NOTCH3: variants seen among roughly 807,000 people sequenced by gnomAD.
NOTCH3 encodes the protein notch receptor 3, also known as neurogenic locus notch homolog protein 3.
In NOTCH3, 86 loss-of-function variants were observed where a neutral mutation model predicts 213.3. The observed-to-expected ratio is 0.40, with a 90% CI of 0.34 to 0.48. The LOEUF (loss-of-function observed/expected upper bound fraction) is 0.48, where lower values mean the gene tolerates loss of function less well. Ranked by LOEUF, NOTCH3 falls within the 20% of genes least tolerant of loss-of-function variation. NOTCH3 has a pLI of 0.57. For missense variants in NOTCH3, 2,783 were observed against 3,272.6 expected (o/e 0.85, Z 3.65); for synonymous variants, 1,354 against 1,355.9 (o/e 1.00, Z 0.03).
At chr19:15,184,044 A>C (rs1184033939) in intron 16 of NOTCH3, among the ~76,000 whole-genome samples, 1 of 149,350 alleles carries the variant, frequency 6.7e-6, no homozygotes, top group Admixed American at 6.7e-5. Context: ...TCTCAAAAAA[A>C]AAAAAAAAAA....
intron 16 of NOTCH3, among the ~76,000 whole-genome samples, chr19:15,183,384 T>TTTTGTTTGTTTGTTTG (rs71168596): frequency 0.11 from 15,868 of 150,220 alleles, 921 homozygotes; most frequent in East Asian, 0.22. Context: ...CAGCACCCCT[T>TTTTGTTTGTTTGTTTG]TTTGTTTGTT....
At chr19:15,190,714 T>C (rs555867063) in intron 6 of NOTCH3, among the ~76,000 whole-genome samples, 1 of 152,052 alleles carries the variant, frequency 6.6e-6, no homozygotes, top group Non-Finnish European at 1.5e-5. Context: ...GCATCCAGAG[T>C]AGCTGGGACT....
chr19:15,173,781 AAGG>A (rs2046762808), intron 25 of NOTCH3, among the ~76,000 whole-genome samples: 1 of 123,548 alleles, frequency 8.1e-6, no homozygotes, highest in South Asian at 2.4e-4. Context: ...GGAGAAGGAG[AAGG>A]AGAAGAAGAA....
rs147379056 is a variant in NOTCH3 at position 15,173,144 on chromosome 19, G to A, written c.4736+924C>T. On this transcript the variant is annotated intron_variant, in intron 25 of 32. Coordinates refer to ENST00000263388, the MANE Select transcript of NOTCH3 (RefSeq NM_000435.3). ...TTTTTTTTTTAAGAGATCGGAGGCC[G>A]GGCATGGTGGCTCACGCCTGTAATC... 7.9e-3 allele frequency among the ~76,000 whole-genome samples: 1,023 copies of A among 129,620 alleles called. 7 individuals carry two copies. Among genetic ancestry groups the A allele is most frequent in the Non-Finnish European group, 0.011 (697 of 61,908 alleles). 85.0% of individuals were successfully genotyped at this position (129,620 alleles called of 152,430 possible).
Position 15,162,596 on chromosome 19 carries a change from G to T in NOTCH3, c.5816-34C>A, listed in dbSNP as rs201600867. ...TGAAGGGGAGAGAGGTCAGGACCAG[G>T]CACCTGTCCTGGGGCCCCCATGTCA... On this transcript the variant is annotated intron_variant, in intron 31 of 32. Transcript: ENST00000263388. 4.4e-5 allele frequency: 69 copies of T among 1,566,392 alleles called. No homozygotes were observed. In the East Asian group the frequency reaches 1.4e-3, roughly 33 times the overall value.
chr19:15,180,717 G>T lies in NOTCH3; in HGVS notation c.3106C>A (p.Arg1036=), dbSNP rs1443968854. The T allele has an allele frequency of 1.3e-6, 2 of 1,567,242 alleles. No homozygotes were observed. Among genetic ancestry groups the T allele is most frequent in the East Asian group, 2.4e-5 (1 of 42,468 alleles). Residue 1036 remains arginine, a synonymous_variant, in exon 19 of 33, where the codon CGA becomes AGA. Transcript: ENST00000263388. ...PGWSGRLCDI[R]SLPCREAAAQ... ...GCGGCCTCCCTGCAGGGCAAGCTTC[G>T]GATGTCACAGAGGCGTCCGCTCCAT...
rs2145381100 is a variant in NOTCH3, at chr19:15,161,110, G to A, written c.6518C>T (p.Ala2173Val). 6.5e-7 allele frequency: 1 copy of A among 1,539,606 alleles called. No homozygotes were observed. The highest frequency in any genetic ancestry group is 8.7e-7 in the Non-Finnish European group (1 of 1,148,680). ...LNPVAVPLDW[A>V]RLPPPAPPGP... Reference sequence around the variant, plus strand: ...TGGAGGGGCAGGTGGGGGCAGCCGGGCCCAATCGAGGGGCACAGCCACAGG... The same window carrying A: ...TGGAGGGGCAGGTGGGGGCAGCCGGACCCAATCGAGGGGCACAGCCACAGG... The change falls in exon 33 of 33, where the codon GCC becomes GTC. Residue 2173 changes from alanine (A) to valine (V), a missense_variant. By Grantham distance (64) the Ala-to-Val change is moderately conservative. Coordinates refer to ENST00000263388, the MANE Select transcript of NOTCH3 (RefSeq NM_000435.3).
At chr19:15,199,989 AG>A (rs1369954230) in intron 1 of NOTCH3, among the ~76,000 whole-genome samples, 1 of 144,454 alleles carries the variant, frequency 6.9e-6, no homozygotes, top group African/African-American at 2.5e-5. Flanking sequence ...GGCCGGAGGG[AG>A]GGGGTGTCTA....
rs2046819073 is a variant in NOTCH3 at position 15,179,283 on chromosome 19, CT to C, written c.3461-2del. 1 of 1,611,250 alleles carries C rather than the reference CT, an allele frequency of 6.2e-7. No homozygotes were observed. The highest frequency in any genetic ancestry group is 1.3e-5 in the African/African-American group (1 of 74,912). ...TCCTCATTAATCTCGCAGAGCACCC[CT>C]GGGGGAAGAAACGAGGGGTGGTCAA... On this transcript the variant is annotated splice_acceptor_variant, in intron 21 of 32. Transcript: ENST00000263388. LOFTEE classifies it high-confidence loss of function.
At chr19:15,166,151 TA>T in intron 29 of NOTCH3, 60 bp from the exon 30 acceptor site, 1 of 1,469,698 alleles carries the variant, frequency 6.8e-7, no homozygotes. Flanking sequence ...CAGGAAATGT[TA>T]TCAAGGGTAC....
intron 15 of NOTCH3, 79 bp downstream of exon 15, chr19:15,184,827 T>TG: frequency 1.2e-6 from 1 of 862,746 alleles, no homozygotes; most frequent in Non-Finnish European, 1.9e-6. Context: ...GGTCCCTCTC[T>TG]GGATCCCCAG....
At chr19:15,176,231 C>T (rs2046789092) in intron 24 of NOTCH3, among the ~76,000 whole-genome samples, 1 of 148,092 alleles carries the variant, frequency 6.8e-6, no homozygotes, top group Non-Finnish European at 1.5e-5. Context: ...TGCAATGGCA[C>T]GATCTCAGCT....
Position 15,181,737 on chromosome 19 carries a change from A to G in NOTCH3, c.2631T>C (p.Pro877=). 1 of 1,574,928 alleles carries G rather than the reference A, an allele frequency of 6.3e-7. No homozygotes were observed. Among genetic ancestry groups the G allele is most frequent in the African/African-American group, 1.3e-5 (1 of 74,276 alleles). ...GGGCGCATCGTGGGCCGGCGAAACCAGGGAGGCAGGAGCAGGAAAAGGAGC... is the reference window on the plus strand; with the variant it reads ...GGGCGCATCGTGGGCCGGCGAAACCGGGGAGGCAGGAGCAGGAAAAGGAGC... ...GVGSFSCSCL[P]GFAGPRCARD... Residue 877 remains proline (P), a synonymous_variant, in exon 17 of 33, where the codon CCT becomes CCC. Coordinates refer to ENST00000263388, the MANE Select transcript of NOTCH3 (RefSeq NM_000435.3).
chr19:15,175,014 T>C (rs1323466623), intron 24 of NOTCH3, among the ~76,000 whole-genome samples: 1 of 152,110 alleles, frequency 6.6e-6, no homozygotes, highest in Non-Finnish European at 1.5e-5. Context: ...GCCTCCCAAG[T>C]AGCTAGGACT....
At chr19:15,189,243 C>A in intron 7 of NOTCH3, 30 bp downstream of exon 7, 2 of 1,613,882 alleles carry the variant, frequency 1.2e-6, no homozygotes, top group Non-Finnish European at 1.7e-6. Context: ...TCTTTCCCAG[C>A]CCATTCACAG....
intron 23 of NOTCH3, 70 bp downstream of exon 23, chr19:15,178,753 G>C (rs2046812802): frequency 4.5e-6 from 5 of 1,103,370 alleles, no homozygotes; most frequent in Non-Finnish European, 6.8e-6. Context: ...CCTCCTCCTA[G>C]ACGCCACGCC....
intron 25 of NOTCH3, among the ~76,000 whole-genome samples, chr19:15,173,028 C>T (rs1376252300): frequency 7.2e-5 from 1 of 13,976 alleles, no homozygotes; most frequent in Non-Finnish European, 1.5e-4. Flanking sequence ...CCTCTTCCTC[C>T]CCCTCCCCCT....
intron 2 of NOTCH3, among the ~76,000 whole-genome samples, chr19:15,195,089 C>T (rs2046959207): frequency 6.6e-6 from 1 of 152,080 alleles, no homozygotes; most frequent in Admixed American, 6.5e-5. Flanking sequence ...GACGCCATGG[C>T]CTGGCCAGCA....
chr19:15,170,212 A>C (rs1209928476), intron 27 of NOTCH3, 42 bp from the exon 28 acceptor site: 11 of 1,495,100 alleles, frequency 7.4e-6, no homozygotes, highest in Non-Finnish European at 1.0e-5. Flanking sequence ...GGGACACTAG[A>C]GGTGTCCAGC....
Sources: allele counts gnomAD v4.1 joint callset (sites outside exome capture counted in the v4.1 genomes callset), GRCh38; gene constraint gnomAD v4.1.1; transcripts MANE v1.5; gene names NCBI Gene and HGNC (gene_info 2026-07-23, HGNC 2026-07-21).